NCKAP1L: variants seen among roughly 807,000 people sequenced by gnomAD.
NCKAP1L encodes NCK associated protein 1 like.
NCKAP1L carries 53 observed loss-of-function variants against 139.2 expected under a neutral mutation model. The ratio of observed to expected loss-of-function variants is 0.38; its 90% CI spans 0.31 to 0.48. NCKAP1L has a LOEUF of 0.48. Ranked by LOEUF, NCKAP1L falls within the 20% of genes least tolerant of loss-of-function variation. The pLI, the probability that NCKAP1L is intolerant of heterozygous loss-of-function variation, is 0.98. For missense variants in NCKAP1L, 1,151 were observed against 1,381.9 expected (o/e 0.83, Z 2.65); for synonymous variants, 468 against 499.7 (o/e 0.94, Z 0.85).
At chr12:54,500,652 G>A in intron 3 of NCKAP1L, 27 bp downstream of exon 3, 2 of 1,397,290 alleles carry the variant, frequency 1.4e-6, no homozygotes, top group Admixed American at 1.7e-5. Flanking sequence ...CGTTTCCAAT[G>A]TAGGCAAGGT....
chr12:54,526,490 T>C (rs564696069), intron 20 of NCKAP1L, 38 bp from the exon 21 acceptor site: 2 of 1,512,714 alleles, frequency 1.3e-6, no homozygotes, highest in African/African-American at 2.7e-5. Flanking sequence ...TTTGCCATTA[T>C]GATTGTAATT....
chr12:54,508,095 G>A (rs1322190157), intron 4 of NCKAP1L, among the ~76,000 whole-genome samples, 186 bp downstream of exon 4: 1 of 152,158 alleles, frequency 6.6e-6, no homozygotes, highest in African/African-American at 2.4e-5. Flanking sequence ...ATATTTACAT[G>A]TTAAGCAGAT....
At position 54,517,515 on chromosome 12, in the gene NCKAP1L, T is replaced by A. The variant is rs183116530; in HGVS notation, c.1096-18T>A. 1.9e-6 allele frequency: 3 copies of A among 1,555,886 alleles called. No individual in the cohort carries two copies. In the Admixed American group the frequency reaches 5.0e-5, roughly 26 times the overall value. The stretch of plus-strand genomic sequence containing the variant: ...TTTTTAAAGTTGAAAATTCTAATAG[T>A]CTCTACCCCCTCCATAGGCTCTTTT... On this transcript the variant is annotated intron_variant, in intron 11 of 30. Transcript: ENST00000293373.
chr12:54,531,635 A>G, intron 24 of NCKAP1L, 51 bp downstream of exon 24: 3 of 1,606,394 alleles, frequency 1.9e-6, no homozygotes, highest in Non-Finnish European at 2.6e-6. Flanking sequence ...ATCACATTGC[A>G]GATGACAGGG....
At chr12:54,503,664 G>T (rs2120876063) in intron 3 of NCKAP1L, among the ~76,000 whole-genome samples, 1 of 149,956 alleles carries the variant, frequency 6.7e-6, no homozygotes, top group Non-Finnish European at 1.5e-5. Context: ...TTTTGAGGCG[G>T]AGTCTTACTG....
At chr12:54,509,309 C>T (rs555787808) in intron 5 of NCKAP1L, among the ~76,000 whole-genome samples, 22 of 152,200 alleles carry the variant, frequency 1.4e-4, no homozygotes, top group African/African-American at 4.3e-4. Flanking sequence ...TACCTGTTAG[C>T]TTTGAATATT....
chr12:54,502,123 T>C (rs1382050234), intron 3 of NCKAP1L, among the ~76,000 whole-genome samples: 1 of 152,252 alleles, frequency 6.6e-6, no homozygotes, highest in Non-Finnish European at 1.5e-5. Context: ...CTATACAGGT[T>C]GAGTATTCCT....
Position 54,542,584 on chromosome 12 carries a change from G to A in NCKAP1L, c.3283G>A (p.Glu1095Lys). ...GCCCCATCTCTTTCAGGTGGTGGAGGAGTCATCCTTCCTGACCCTGGACAT... is the reference window on the plus strand; with the variant it reads ...GCCCCATCTCTTTCAGGTGGTGGAGAAGTCATCCTTCCTGACCCTGGACAT... ...ISLLMRLVVEESSFLTLDMLE... is the reference protein window; with the variant it reads ...ISLLMRLVVEKSSFLTLDMLE... The change falls in exon 31 of 31, where the codon GAG (glutamate) becomes AAG (lysine). Residue 1095 changes from glutamate to lysine, a missense_variant. Glu to Lys is a moderately conservative substitution (Grantham distance 56). Coordinates refer to ENST00000293373, the MANE Select transcript of NCKAP1L (RefSeq NM_005337.5). 6.2e-7 allele frequency: 1 copy of A among 1,613,386 alleles called. No individual in the cohort carries two copies. Among genetic ancestry groups the A allele is most frequent in the Non-Finnish European group, 8.5e-7 (1 of 1,179,318 alleles).
chr12:54,531,601 C>G lies in NCKAP1L; in HGVS notation c.2698+17C>G, dbSNP rs781293819. ...AGCTGACAGGTAAGCATCCTCTTCC[C>G]CTATAGTGAGAAGGAGCTGTGGAAT... is the stretch of plus-strand genomic sequence containing the variant. On this transcript the variant is annotated intron_variant, in intron 24 of 30. Coordinates refer to ENST00000293373, the MANE Select transcript of NCKAP1L (RefSeq NM_005337.5). 6.2e-7 allele frequency: 1 copy of G among 1,613,176 alleles called. No homozygotes were observed.
At chr12:54,506,005 AATTT>A (rs1956837104) in intron 3 of NCKAP1L, among the ~76,000 whole-genome samples, 1 of 152,072 alleles carries the variant, frequency 6.6e-6, no homozygotes, top group Admixed American at 6.6e-5. Context: ...GCATGGGTAC[AATTT>A]ATTTATCCAT....
At position 54,508,642 on chromosome 12, in the gene NCKAP1L, A is replaced by G. The variant is rs575426093; in HGVS notation, c.506+111A>G. ...CATGATTTCTTATATGAGAACCTATAATCTACATTGACCCAGGCAAAATAA... is the reference window on the plus strand; with the variant it reads ...CATGATTTCTTATATGAGAACCTATGATCTACATTGACCCAGGCAAAATAA... On this transcript the variant is annotated intron_variant, in intron 5 of 30. Transcript: ENST00000293373. 26 of 1,158,642 alleles carry G rather than the reference A, an allele frequency of 2.2e-5. No homozygotes were observed. The South Asian group carries it at 3.7e-4, about 16-fold the overall frequency. 71.8% of individuals were successfully genotyped at this position (1,158,642 alleles called of 1,614,324 possible).
intron 23 of NCKAP1L, 58 bp from the exon 24 acceptor site, chr12:54,531,433 A>T (rs766203305): frequency 3.1e-5 from 50 of 1,605,920 alleles, no homozygotes; most frequent in East Asian, 4.5e-5. Context: ...CTGGGGGGGA[A>T]GATGTAACAT....
chr12:54,506,006 A>G (rs1956837086), intron 3 of NCKAP1L, among the ~76,000 whole-genome samples: 1 of 152,118 alleles, frequency 6.6e-6, no homozygotes, highest in Non-Finnish European at 1.5e-5. Context: ...CATGGGTACA[A>G]TTTATTTATC....
At position 54,509,952 on chromosome 12, in the gene NCKAP1L, C is replaced by G. The variant is rs760116643; in HGVS notation, c.702C>G (p.Pro234=). 17 of 1,614,222 alleles carry G rather than the reference C, an allele frequency of 1.1e-5. No individual in the cohort carries two copies. Among genetic ancestry groups the G allele is most frequent in the Non-Finnish European group, 1.4e-5 (16 of 1,180,028 alleles). The change falls in exon 7 of 31, where the codon CCC becomes CCG. Residue 234 remains proline (P), a synonymous_variant. Coordinates refer to ENST00000293373, the MANE Select transcript of NCKAP1L (RefSeq NM_005337.5). ...SAQLLSLISN[P]PAMINPANSD... is the part of the protein sequence containing the mutation. ...AACTTCTAAGCCTCATCAGCAACCC[C>G]CCAGCCATGATTAACCCTGCTAATT... is the stretch of plus-strand genomic sequence containing the variant.
intron 26 of NCKAP1L, among the ~76,000 whole-genome samples, chr12:54,532,629 C>T (rs1329186556): frequency 6.6e-6 from 1 of 152,116 alleles, no homozygotes; most frequent in Non-Finnish European, 1.5e-5. Context: ...AAGATTTGTT[C>T]CTTTCATTCC....
intron 26 of NCKAP1L, among the ~76,000 whole-genome samples, chr12:54,532,519 T>A (rs995616028): frequency 1.3e-5 from 2 of 152,130 alleles, no homozygotes; most frequent in African/African-American, 4.8e-5. Context: ...CCTAGGATAG[T>A]ATCTGTAGGT....
chr12:54,535,027 G>C, intron 26 of NCKAP1L, 77 bp from the exon 27 acceptor site: 2 of 1,136,638 alleles, frequency 1.8e-6, no homozygotes, highest in Non-Finnish European at 2.5e-6. Context: ...TGATCCAAAA[G>C]TCCTGGCTAT....
chr12:54,534,336 G>T (rs1957097467), intron 26 of NCKAP1L, among the ~76,000 whole-genome samples: 1 of 152,186 alleles, frequency 6.6e-6, no homozygotes. Flanking sequence ...GTGTTGCTAG[G>T]ACTTGAACCC....
At chr12:54,532,059 AG>A in intron 25 of NCKAP1L, 110 bp from the exon 26 acceptor site, 1 of 873,998 alleles carries the variant, frequency 1.1e-6, no homozygotes, top group South Asian at 1.8e-5. Flanking sequence ...AAAGCTGGCT[AG>A]GTTCTTATCT....
Sources: allele counts gnomAD v4.1 joint callset (sites outside exome capture counted in the v4.1 genomes callset), GRCh38; gene constraint gnomAD v4.1.1; transcripts MANE v1.5; gene names NCBI Gene and HGNC (gene_info 2026-07-23, HGNC 2026-07-21).